KIF5A: variants seen among roughly 807,000 people sequenced by gnomAD.
The protein encoded by KIF5A is kinesin heavy chain isoform 5A.
A neutral mutation model predicts 141.3 loss-of-function variants in KIF5A; 35 were observed. The observed-to-expected ratio is 0.25, with a 90% CI of 0.19 to 0.33. KIF5A has a LOEUF of 0.33. Ranked by LOEUF, KIF5A falls within the 10% of genes least tolerant of loss-of-function variation. The pLI, the probability that KIF5A is intolerant of heterozygous loss-of-function variation, is 1.00. For missense variants in KIF5A, 861 were observed against 1,314.3 expected (o/e 0.66, Z 5.33); for synonymous variants, 448 against 500.2 (o/e 0.90, Z 1.39).
At chr12:57,569,874 G>T in intron 11 of KIF5A, 113 bp from the exon 12 acceptor site, 4 of 1,417,310 alleles carry the variant, frequency 2.8e-6, no homozygotes, top group Non-Finnish European at 3.8e-6. Context: ...ACTCCCAAAA[G>T]GTAGAGGGTC....
At position 57,575,697 on chromosome 12, in the gene KIF5A, C is replaced by A; in HGVS notation, c.1963C>A (p.Arg655=). Reference sequence around the variant, plus strand: ...CATGCAGAGCGTGGAGCTAAAGAAGCGGCACCTGGAAGAGTCCTATGACTC... The same window carrying A: ...CATGCAGAGCGTGGAGCTAAAGAAGAGGCACCTGGAAGAGTCCTATGACTC... ...EYMQSVELKK[R]HLEESYDSLS... The change falls in exon 17 of 29, where the codon CGG becomes AGG. Residue 655 remains arginine, a synonymous_variant. Transcript: ENST00000455537. 1 of 1,614,176 alleles carries A rather than the reference C, an allele frequency of 6.2e-7. No individual in the cohort carries two copies.
At chr12:57,580,321 G>A (rs1882558136) in intron 23 of KIF5A, among the ~76,000 whole-genome samples, 1 of 152,306 alleles carries the variant, frequency 6.6e-6, no homozygotes, top group East Asian at 1.9e-4. Flanking sequence ...GATAACCCAG[G>A]AAGTCCTTGA....
At position 57,572,823 on chromosome 12, in the gene KIF5A, C is replaced by G; in HGVS notation, c.1716+97C>G. The stretch of plus-strand genomic sequence containing the variant: ...CTTCACAGATACTGAGAAAGGCAGC[C>G]AGAGAGCCAGGAAACATGCCTTTGA... On this transcript the variant is annotated intron_variant, in intron 15 of 28. Coordinates refer to ENST00000455537, the MANE Select transcript of KIF5A (RefSeq NM_004984.4). This position sits in a 1 kb window ranked among gnomAD's most constrained non-coding sequence, Gnocchi z 4.2. The G allele has an allele frequency of 7.0e-7, 1 of 1,424,732 alleles. No homozygotes were observed. The highest frequency in any genetic ancestry group is 9.9e-7 in the Non-Finnish European group (1 of 1,008,514). The allele number at this position is 1,424,732 out of a possible 1,614,324, so 88.3% of individuals were successfully genotyped here.
intron 6 of KIF5A, among the ~76,000 whole-genome samples, chr12:57,566,100 T>G (rs1357344693): frequency 6.6e-6 from 1 of 151,422 alleles, no homozygotes; most frequent in Non-Finnish European, 1.5e-5. Flanking sequence ...GTGGTTTTTT[T>G]TGTTTGTTTG....
chr12:57,555,841 G>A (rs1294137914), intron 1 of KIF5A, among the ~76,000 whole-genome samples: 2 of 141,308 alleles, frequency 1.4e-5, no homozygotes, highest in Non-Finnish European at 3.0e-5. Flanking sequence ...CCTGGGAGGC[G>A]AAGGTTGCAG....
chr12:57,573,410 A>G (rs1475839256), intron 15 of KIF5A, among the ~76,000 whole-genome samples: 1 of 152,074 alleles, frequency 6.6e-6, no homozygotes, highest in Non-Finnish European at 1.5e-5. Flanking sequence ...ACACACCTAT[A>G]GTACCAGCTA....
chr12:57,571,574 C>CT lies in KIF5A; in HGVS notation c.1362+197dup, dbSNP rs1259354759. ...TTCTTTTCTTTTCCTTTTTTCTTTT[C>CT]TTTTTTTTTTTTAGAGATGGAGTCT... is the stretch of plus-strand genomic sequence containing the variant. On this transcript the variant is annotated intron_variant, in intron 13 of 28. Coordinates refer to ENST00000455537, the MANE Select transcript of KIF5A (RefSeq NM_004984.4). Among the ~76,000 whole-genome samples the CT allele has an allele frequency of 6.2e-3, 896 of 143,788 alleles. 5 individuals are homozygous for CT. Among genetic ancestry groups the CT allele is most frequent in the African/African-American group, 0.018 (726 of 39,526 alleles). 94.3% of individuals were successfully genotyped at this position (143,788 alleles called of 152,430 possible).
intron 12 of KIF5A, among the ~76,000 whole-genome samples, chr12:57,570,922 A>G (rs1366249644): frequency 6.7e-6 from 1 of 150,212 alleles, no homozygotes; most frequent in Non-Finnish European, 1.5e-5. Context: ...CCTCTGAAAG[A>G]GCTGGGACTA....
chr12:57,578,012 C>G lies in KIF5A; in HGVS notation c.2365C>G (p.Arg789Gly). 6.2e-7 allele frequency: 1 copy of G among 1,613,910 alleles called. No individual in the cohort carries two copies. Among genetic ancestry groups the G allele is most frequent in the Non-Finnish European group, 8.5e-7 (1 of 1,179,752 alleles). Residue 789 changes from arginine (R) to glycine (G), a missense_variant, in exon 22 of 29, where the codon CGG becomes GGG. Physicochemically the swap from Arg to Gly is moderately radical, Grantham distance 125. Transcript: ENST00000455537. ...AATTTTTCATCATTCTTTCCAGGCC[C>G]GGGAACTCCAGACCCTCCACAACCT... ...DLKGLEETVA[R>G]ELQTLHNLRK...
chr12:57,582,584 CAAT>C lies in KIF5A; in HGVS notation c.2993-17_2993-15del, dbSNP rs1333184375. On this transcript the variant is annotated splice_polypyrimidine_tract_variant and intron_variant, in intron 26 of 28. Transcript: ENST00000455537. ...TTTTCTTCTTCTAATCCTGTGTTCT[CAAT>C]GATGATCTCTTCAGGAAATGCCACA... 8 of 1,606,692 alleles carry C rather than the reference CAAT, an allele frequency of 5.0e-6. No individual in the cohort carries two copies. Among genetic ancestry groups the C allele is most frequent in the African/African-American group, 4.0e-5 (3 of 74,726 alleles).
Position 57,568,958 on chromosome 12 carries a change from G to A in KIF5A, c.715-5G>A. 1 of 1,605,954 alleles carries A rather than the reference G, an allele frequency of 6.2e-7. No individual in the cohort carries two copies. Among genetic ancestry groups the A allele is most frequent in the Non-Finnish European group, 8.5e-7 (1 of 1,173,000 alleles). On this transcript the variant is annotated splice_region_variant and splice_polypyrimidine_tract_variant and intron_variant, in intron 8 of 28. Transcript: ENST00000455537. ...ATACACACTCATCTCTTACTGCCCT[G>A]GTAGGTCAGCAAGACTGGAGCAGAG...
chr12:57,576,340 G>A lies in KIF5A; in HGVS notation c.2160G>A (p.Glu720=), dbSNP rs576578915. The A allele has an allele frequency of 1.2e-6, 2 of 1,614,012 alleles. No homozygotes were observed. The highest frequency in any genetic ancestry group is 2.2e-5 in the South Asian group (2 of 91,058). The part of the protein sequence containing the change: ...HHRQLARLRD[E]INEKQKTIDE... Reference sequence around the variant, plus strand: ...GGCAGCTGGCCCGGCTCCGGGACGAGATCAACGAGAAGCAGAAGACCATTG... The same window carrying A: ...GGCAGCTGGCCCGGCTCCGGGACGAAATCAACGAGAAGCAGAAGACCATTG... Residue 720 remains glutamate (E), a synonymous_variant, in exon 19 of 29, where the codon GAG becomes GAA. Transcript: ENST00000455537.
chr12:57,550,071 G>A lies in KIF5A; in HGVS notation c.-201G>A. 1.6e-6 allele frequency: 1 copy of A among 629,300 alleles called. No individual in the cohort carries two copies. Among genetic ancestry groups the A allele is most frequent in the Admixed American group, 2.7e-5 (1 of 36,598 alleles). The allele number at this position is 629,300 out of a possible 1,614,324, so 39.0% of individuals were successfully genotyped here. A position where few individuals can be genotyped will look rare whatever the true frequency, so the allele number is the denominator to read the frequency against. ...AGAGCCCGAAAGGACCAGACGCCCAGGTCGCCCGCATCCCGCTGCCGCAGG... is the reference window on the plus strand; with the variant it reads ...AGAGCCCGAAAGGACCAGACGCCCAAGTCGCCCGCATCCCGCTGCCGCAGG... On this transcript the variant is annotated 5_prime_UTR_variant, in exon 1 of 29. Coordinates refer to ENST00000455537, the MANE Select transcript of KIF5A (RefSeq NM_004984.4). The surrounding 1 kb of genome is among the most constrained non-coding windows in gnomAD (Gnocchi z 4.6).
intron 16 of KIF5A, 118 bp from the exon 17 acceptor site, chr12:57,575,522 C>T: frequency 2.1e-6 from 2 of 975,302 alleles, no homozygotes; most frequent in South Asian, 1.3e-5. Context: ...ACCCTGCACC[C>T]TCATGGGAAG....
intron 8 of KIF5A, among the ~76,000 whole-genome samples, chr12:57,567,851 G>C (rs968297421): frequency 4.1e-4 from 62 of 151,562 alleles, no homozygotes; most frequent in African/African-American, 1.4e-3. Flanking sequence ...TAGTAGAGAG[G>C]GGATTTCACT....
intron 15 of KIF5A, 80 bp from the exon 16 acceptor site, chr12:57,575,004 T>C: frequency 7.6e-7 from 1 of 1,312,454 alleles, no homozygotes; most frequent in East Asian, 2.3e-5. Context: ...TGGGTGTGTA[T>C]GGGTAGGTAG....
chr12:57,569,731 G>A, intron 11 of KIF5A, 48 bp downstream of exon 11: 1 of 1,604,756 alleles, frequency 6.2e-7, no homozygotes, highest in Non-Finnish European at 8.5e-7. Flanking sequence ...AGAGGAGGAG[G>A]ATGTTTGGGA....
chr12:57,568,937 A>C, intron 8 of KIF5A, 26 bp from the exon 9 acceptor site: 1 of 1,543,672 alleles, frequency 6.5e-7, no homozygotes, highest in Non-Finnish European at 9.0e-7. Context: ...CTGCTCATAC[A>C]CACTCATCTC....
rs2140174657 is a variant in KIF5A, at chr12:57,585,453, C to G, written c.*1272C>G. The G allele has an allele frequency of 6.5e-6, 1 of 154,586 alleles. No homozygotes were observed. The highest frequency in any genetic ancestry group is 1.9e-4 in the East Asian group (1 of 5,184). The allele number at this position is 154,586 out of a possible 1,614,324, so 9.6% of individuals were successfully genotyped here. On this transcript the variant is annotated 3_prime_UTR_variant, in exon 29 of 29. Transcript: ENST00000455537. ...ATTCTCAGCCCATATGCAGCACCCT[C>G]CATACTGAAGAGGACTGTTGTTTTA... is the stretch of plus-strand genomic sequence containing the variant.
Sources: gnomAD v4.1 joint callset for allele counts (sites outside exome capture counted in the v4.1 genomes callset) on GRCh38, gnomAD v4.1.1 for gene constraint, Gnocchi (gnomAD v3.1) non-coding constraint, MANE v1.5 for transcripts, NCBI Gene and HGNC (gene_info 2026-07-23, HGNC 2026-07-21) for gene names.